The following GAB1 variants were observed in gnomAD, a reference collection of about 807,000 sequenced individuals.
GAB1 encodes the protein GRB2 associated binding protein 1.
In GAB1, 19 loss-of-function variants were observed where a neutral mutation model predicts 66.5. The ratio of observed to expected loss-of-function variants is 0.29; its 90% CI spans 0.20 to 0.42. GAB1 has a LOEUF of 0.42. Among genes scored for constraint, GAB1 ranks in the 10% least tolerant of loss-of-function variants. The pLI is 1.00. For missense variants in GAB1, 732 were observed against 858.5 expected (o/e 0.85, Z 1.84); for synonymous variants, 294 against 301.4 (o/e 0.98, Z 0.25).
At chr4:143,347,279 T>C (rs528052680) in intron 1 of GAB1, among the ~76,000 whole-genome samples, 2 of 152,374 alleles carry the variant, frequency 1.3e-5, no homozygotes, top group Non-Finnish European at 2.9e-5. Context: ...TGTCCAATGT[T>C]TCTTAACCTT....
chr4:143,444,944 T>A (rs941880276), intron 6 of GAB1, among the ~76,000 whole-genome samples: 1 of 152,168 alleles, frequency 6.6e-6, no homozygotes, highest in Admixed American at 6.5e-5. Context: ...TTCATTCTTT[T>A]TATGGCTGTG....
In GAB1 at chr4:143,348,489, C is replaced by T. The variant is rs111722352; in HGVS notation, c.72+11229C>T. On this transcript the variant is annotated intron_variant, in intron 1 of 9. Coordinates refer to ENST00000262994, the MANE Select transcript of GAB1 (RefSeq NM_002039.4). ...TCCACACCCAGTGACCAAACCCTGTCGGTTTTACCTTCCAAGTATCTTGAT... is the reference window on the plus strand; with the variant it reads ...TCCACACCCAGTGACCAAACCCTGTTGGTTTTACCTTCCAAGTATCTTGAT... Among the ~76,000 whole-genome samples the T allele has an allele frequency of 2.9e-3, 444 of 152,334 alleles. 2 individuals carry two copies. Among genetic ancestry groups the T allele is most frequent in the African/African-American group, 1.0e-2 (415 of 41,584 alleles).
At chr4:143,440,466 T>C in intron 6 of GAB1, 84 bp downstream of exon 6, 1 of 1,298,634 alleles carries the variant, frequency 7.7e-7, no homozygotes. Flanking sequence ...AAAATAGAAT[T>C]TGGACTAGAA....
chr4:143,442,254 T>C (rs778847490), intron 6 of GAB1, among the ~76,000 whole-genome samples: 10 of 152,190 alleles, frequency 6.6e-5, no homozygotes, highest in Non-Finnish European at 1.5e-4. Flanking sequence ...CAGTAACGAG[T>C]GCATGTTAGT....
chr4:143,455,232 A>G (rs1412025743), intron 6 of GAB1, among the ~76,000 whole-genome samples: 1 of 152,218 alleles, frequency 6.6e-6, no homozygotes, highest in African/African-American at 2.4e-5. Context: ...CTAAAGATCC[A>G]GGATACGGTG....
In GAB1 at chr4:143,362,920, A is replaced by G. The variant is rs958161234; in HGVS notation, c.72+25660A>G. The stretch of plus-strand genomic sequence containing the variant: ...TCACTCTGGTTCAAATGCCTCTGAC[A>G]CATAGGCATAATACTCTGTTGAACA... On this transcript the variant is annotated intron_variant, in intron 1 of 9. Transcript: ENST00000262994. Among the ~76,000 whole-genome samples, 3 of 152,316 alleles carry G rather than the reference A, an allele frequency of 2.0e-5. No individual in the cohort carries two copies. The South Asian group carries it at 6.2e-4, about 32-fold the overall frequency.
intron 1 of GAB1, among the ~76,000 whole-genome samples, chr4:143,362,252 C>G (rs550171726): frequency 2.0e-5 from 3 of 152,138 alleles, no homozygotes. Context: ...AATGTTATAA[C>G]AGAACCCATA....
intron 4 of GAB1, among the ~76,000 whole-genome samples, chr4:143,439,206 C>A (rs1397231886): frequency 1.3e-5 from 2 of 152,082 alleles, no homozygotes. Flanking sequence ...AAGTTACAGA[C>A]CTTGAGAGGA....
chr4:143,441,552 C>G (rs1734236214), intron 6 of GAB1, among the ~76,000 whole-genome samples: 1 of 148,906 alleles, frequency 6.7e-6, no homozygotes, highest in African/African-American at 2.5e-5. Context: ...CTCCTCGTTT[C>G]AACAGGAGGT....
chr4:143,383,946 T>C (rs1730771228), intron 1 of GAB1, among the ~76,000 whole-genome samples: 1 of 151,982 alleles, frequency 6.6e-6, no homozygotes, highest in Non-Finnish European at 1.5e-5. Flanking sequence ...GTGGTAACAC[T>C]CCCATAGTCC....
intron 1 of GAB1, among the ~76,000 whole-genome samples, chr4:143,364,784 C>T (rs1307419726): frequency 6.6e-6 from 1 of 151,540 alleles, no homozygotes; most frequent in Admixed American, 6.6e-5. Context: ...TGCCAGTCAA[C>T]TCTGGCCTGC....
chr4:143,396,507 G>T (rs1317881909), intron 1 of GAB1, among the ~76,000 whole-genome samples: 1 of 152,126 alleles, frequency 6.6e-6, no homozygotes, highest in African/African-American at 2.4e-5. Context: ...TCGATCGGGT[G>T]GCTTAATGTC....
intron 8 of GAB1, among the ~76,000 whole-genome samples, chr4:143,461,372 G>A (rs914777983): frequency 6.6e-6 from 1 of 152,046 alleles, no homozygotes; most frequent in Admixed American, 6.5e-5. Context: ...CTGTTCCATA[G>A]AGTCTTCAGG....
chr4:143,350,386 T>A (rs1270273108), intron 1 of GAB1, among the ~76,000 whole-genome samples: 4 of 152,124 alleles, frequency 2.6e-5, no homozygotes, highest in African/African-American at 9.7e-5. Flanking sequence ...CTCTTAAGGC[T>A]TTGTGTTTTA....
At chr4:143,444,227 GC>G (rs1734389643) in intron 6 of GAB1, among the ~76,000 whole-genome samples, 1 of 151,898 alleles carries the variant, frequency 6.6e-6, no homozygotes. Context: ...CTTATCTAAG[GC>G]CCCCATCTCT....
Position 143,375,104 on chromosome 4 carries a change from C to T in GAB1, c.72+37844C>T, listed in dbSNP as rs987904249. Among the ~76,000 whole-genome samples, 7 of 152,304 alleles carry T rather than the reference C, an allele frequency of 4.6e-5. No individual in the cohort carries two copies. In the South Asian group the frequency reaches 8.3e-4, roughly 18 times the overall value. ...CTGGAATTATAGGTGCCCGCCACAA[C>T]GCCTGGCTAAGTTTTTGTATTTTAC... On this transcript the variant is annotated intron_variant, in intron 1 of 9. Transcript: ENST00000262994.
At chr4:143,404,434 A>G (rs143808982) in intron 1 of GAB1, among the ~76,000 whole-genome samples, 12 of 152,364 alleles carry the variant, frequency 7.9e-5, no homozygotes, top group Admixed American at 7.8e-4. Flanking sequence ...AACTGCTTAC[A>G]GTAGCATTAC....
rs1292379690 is a variant in GAB1, at chr4:143,336,911, T to TGGCGAGACGGCACGTCTGGA, written c.-271_-252dup. 2.4e-5 allele frequency: 11 copies of TGGCGAGACGGCACGTCTGGA among 458,906 alleles called. No homozygotes were observed. The highest frequency in any genetic ancestry group is 4.3e-5 in the Non-Finnish European group (11 of 258,236). The allele number at this position is 458,906 out of a possible 1,614,324, so 28.4% of individuals were successfully genotyped here. On this transcript the variant is annotated 5_prime_UTR_variant, in exon 1 of 10. Coordinates refer to ENST00000262994, the MANE Select transcript of GAB1 (RefSeq NM_002039.4). ...TGAGTCCGAGCGCTGCTGAGGCAGC[T>TGGCGAGACGGCACGTCTGGA]GGCGAGACGGCACGTCTGGAGGCGA...
chr4:143,449,432 T>A (rs1734771472), intron 6 of GAB1, among the ~76,000 whole-genome samples: 1 of 151,822 alleles, frequency 6.6e-6, no homozygotes, highest in Non-Finnish European at 1.5e-5. Flanking sequence ...TCTAAGTCTC[T>A]TTGTAGGTCA....
Sources: allele counts gnomAD v4.1 joint callset (sites outside exome capture counted in the v4.1 genomes callset), GRCh38; gene constraint gnomAD v4.1.1; transcripts MANE v1.5; gene names NCBI Gene and HGNC (gene_info 2026-07-23, HGNC 2026-07-21).